Variants in SV2C observed in about 807,000 individuals in gnomAD.
SV2C encodes synaptic vesicle glycoprotein 2C, also known as solute carrier family 22 member B3.
A neutral mutation model predicts 79.7 loss-of-function variants in SV2C; 49 were observed. The ratio of observed to expected loss-of-function variants is 0.61; its 90% CI spans 0.49 to 0.78. The LOEUF is 0.78. SV2C is among the 30% of genes least tolerant of loss of function. SV2C has a pLI of 0.00. For missense variants in SV2C, 833 were observed against 912.9 expected (o/e 0.91, Z 1.13); for synonymous variants, 334 against 333.2 (o/e 1.00, Z -0.03).
chr5:76,165,116 CTG>C (rs576831855), intron 2 of SV2C, among the ~76,000 whole-genome samples: 4 of 150,310 alleles, frequency 2.7e-5, no homozygotes, highest in Non-Finnish European at 1.5e-5. Context: ...CAAGTCTTGA[CTG>C]TGTGTGTGTG....
chr5:75,987,338 T>G, the SV2C span, among the ~76,000 whole-genome samples: 1 of 151,914 alleles, frequency 6.6e-6, no homozygotes, highest in Non-Finnish European at 1.5e-5. Flanking sequence ...CTGATGAGGG[T>G]GTGACTGAAG....
intron 2 of SV2C, among the ~76,000 whole-genome samples, chr5:76,177,180 CAAT>C (rs1477550625): frequency 1.4e-5 from 2 of 147,170 alleles, no homozygotes; most frequent in East Asian, 3.9e-4. Context: ...TTATATTAAT[CAAT>C]ATATTATATA....
the SV2C span, among the ~76,000 whole-genome samples, chr5:76,037,682 G>T: frequency 6.6e-6 from 1 of 152,198 alleles, no homozygotes; most frequent in African/African-American, 2.4e-5. Flanking sequence ...GTCTGCAGAG[G>T]TTACTGCTGT....
the SV2C span, among the ~76,000 whole-genome samples, chr5:76,000,023 C>A: frequency 0.47 from 70,585 of 151,782 alleles, 17,215 homozygotes; most frequent in Middle Eastern, 0.63. Context: ...CATAAATTTG[C>A]GAGGGGACAC....
intron 3 of SV2C, among the ~76,000 whole-genome samples, chr5:76,202,836 A>G (rs1390201500): frequency 6.6e-6 from 1 of 152,244 alleles, no homozygotes; most frequent in Non-Finnish European, 1.5e-5. Flanking sequence ...TCAAAGACCT[A>G]GAACATATAA....
chr5:75,974,028 A>G, the SV2C span, among the ~76,000 whole-genome samples: 2 of 152,180 alleles, frequency 1.3e-5, no homozygotes, highest in South Asian at 4.1e-4. Context: ...ATGTAATACT[A>G]ATATCCAGGG....
At chr5:76,059,054 T>C in the SV2C span, among the ~76,000 whole-genome samples, 1 of 152,096 alleles carries the variant, frequency 6.6e-6, no homozygotes, top group Non-Finnish European at 1.5e-5. Context: ...CTATTAAGGA[T>C]GCAATAGCAT....
rs60010831 is a variant in SV2C, at chr5:76,329,527, A to G, written c.*3980A>G. ...GTCTTTCAAGATACCTTAAGAGATC[A>G]AAGGGGAGGTGGGAAAAGAAATGTA... On this transcript the variant is annotated 3_prime_UTR_variant, in exon 13 of 13. Coordinates refer to ENST00000502798, the MANE Select transcript of SV2C (RefSeq NM_014979.4). 6 of 152,316 alleles carry G rather than the reference A, an allele frequency of 3.9e-5. No homozygotes were observed. The highest frequency in any genetic ancestry group is 1.2e-4 in the African/African-American group (5 of 41,572). 9.4% of individuals were successfully genotyped at this position (152,316 alleles called of 1,614,324 possible). A position where few individuals can be genotyped will look rare whatever the true frequency, so the allele number is the denominator to read the frequency against.
the SV2C span, among the ~76,000 whole-genome samples, chr5:75,985,629 G>C: frequency 5.3e-5 from 8 of 152,026 alleles, 1 homozygote; most frequent in South Asian, 1.2e-3. Context: ...AGTTAGACTA[G>C]AGTCCATTCC....
chr5:76,102,829 C>A (rs1006994880), intron 1 of SV2C, among the ~76,000 whole-genome samples: 1 of 152,036 alleles, frequency 6.6e-6, no homozygotes, highest in South Asian at 2.1e-4. Flanking sequence ...AAAAACATGC[C>A]CCTGACTTTA....
At chr5:76,173,510 A>T in intron 2 of SV2C, 1 of 981,142 alleles carries the variant, frequency 1.0e-6, no homozygotes, top group Middle Eastern at 3.0e-4. Flanking sequence ...CTTAAAGGGT[A>T]CCACCACAGG....
chr5:75,911,196 T>C, the SV2C span: 25 of 1,594,756 alleles, frequency 1.6e-5, no homozygotes, highest in East Asian at 2.5e-4. Flanking sequence ...CAGCCTGCAA[T>C]GGCCCTGCCC....
At chr5:75,850,216 G>C in the SV2C span, among the ~76,000 whole-genome samples, 1 of 152,116 alleles carries the variant, frequency 6.6e-6, no homozygotes, top group Non-Finnish European at 1.5e-5. Context: ...TTAGATGTTA[G>C]ACCAACAAAT....
chr5:75,986,341 C>T, the SV2C span, among the ~76,000 whole-genome samples: 2 of 151,590 alleles, frequency 1.3e-5, no homozygotes, highest in Admixed American at 6.6e-5. Flanking sequence ...GAGATGGAGA[C>T]GGATGACAGA....
intron 2 of SV2C, among the ~76,000 whole-genome samples, chr5:76,183,474 T>C (rs902640426): frequency 6.6e-6 from 1 of 152,140 alleles, no homozygotes; most frequent in East Asian, 1.9e-4. Flanking sequence ...ACATGAGATT[T>C]GGGCATGACA....
chr5:76,038,225 C>A, the SV2C span, among the ~76,000 whole-genome samples: 1 of 152,140 alleles, frequency 6.6e-6, no homozygotes, highest in South Asian at 2.1e-4. Context: ...TCTTCCAGCA[C>A]ATATGTAAGA....
chr5:76,236,489 G>A (rs1339596506), intron 4 of SV2C, among the ~76,000 whole-genome samples: 1 of 151,978 alleles, frequency 6.6e-6, no homozygotes, highest in Non-Finnish European at 1.5e-5. Flanking sequence ...TTGAACCCAG[G>A]GGGCAGAGGT....
chr5:76,250,033 A>C (rs1013518340), intron 4 of SV2C, among the ~76,000 whole-genome samples: 1 of 152,220 alleles, frequency 6.6e-6, no homozygotes, highest in Non-Finnish European at 1.5e-5. Flanking sequence ...TCACTCCTCC[A>C]CAACATAGAA....
chr5:76,288,494 A>T (rs1159124971), intron 6 of SV2C, among the ~76,000 whole-genome samples: 1 of 152,208 alleles, frequency 6.6e-6, no homozygotes, highest in Non-Finnish European at 1.5e-5. Context: ...AATTTAAAGG[A>T]TCATAAGGCT....
Sources: gnomAD v4.1 joint callset for allele counts (sites outside exome capture counted in the v4.1 genomes callset) on GRCh38, gnomAD v4.1.1 for gene constraint, MANE v1.5 for transcripts, NCBI Gene and HGNC (gene_info 2026-07-23, HGNC 2026-07-21) for gene names.